Variants in MLXIP observed in about 807,000 individuals in gnomAD.
MLXIP encodes the protein MLX interacting protein, also known as MLX-interacting protein.
A neutral mutation model predicts 87.2 loss-of-function variants in MLXIP; 30 were observed. That is an observed-to-expected ratio of 0.34 (90% CI 0.26 to 0.47). The LOEUF (loss-of-function observed/expected upper bound fraction) is 0.47. Among genes scored for constraint, MLXIP ranks in the 20% least tolerant of loss-of-function variants. The pLI is 1.00. For missense variants in MLXIP, 1,002 were observed against 1,240.1 expected (o/e 0.81, Z 2.88); for synonymous variants, 530 against 514.0 (o/e 1.03, Z -0.42).
rs756836052 is a variant in MLXIP, at chr12:122,133,956, C to T, written c.1701C>T (p.Ser567=). 4.9e-5 allele frequency: 78 copies of T among 1,605,534 alleles called. No individual in the cohort carries two copies. Among genetic ancestry groups the T allele is most frequent in the Non-Finnish European group, 6.2e-5 (73 of 1,176,096 alleles). Residue 567 remains serine (S), a synonymous_variant, in exon 9 of 17, where the codon TCC becomes TCT. Coordinates refer to ENST00000319080, the MANE Select transcript of MLXIP (RefSeq NM_014938.6). The surrounding 1 kb of genome is among the most constrained non-coding windows in gnomAD (Gnocchi z 4.9). ...IVPAPKPEPV[S]LVLKNARIAP... is the part of the protein sequence containing the mutation. The stretch of plus-strand genomic sequence containing the variant: ...CTGCTCCCAAACCAGAGCCCGTGTC[C>T]TTGGTGTTGAAGAATGCCCGTATCG...
intron 1 of MLXIP, among the ~76,000 whole-genome samples, chr12:122,079,968 C>T (rs1952068046): frequency 6.6e-6 from 1 of 152,182 alleles, no homozygotes; most frequent in Non-Finnish European, 1.5e-5. Context: ...GGAGGGTTTT[C>T]TGGCCGGTCC....
chr12:122,141,888 A>G lies in MLXIP; in HGVS notation c.*76A>G. ...CCATGGAGAGTAGGCTGCGCCCCCCAGCCCTTCCTGACGCTCAGCCTCGGG... is the reference window on the plus strand; with the variant it reads ...CCATGGAGAGTAGGCTGCGCCCCCCGGCCCTTCCTGACGCTCAGCCTCGGG... On this transcript the variant is annotated 3_prime_UTR_variant, in exon 17 of 17. Coordinates refer to ENST00000319080, the MANE Select transcript of MLXIP (RefSeq NM_014938.6). 1 of 1,575,852 alleles carries G rather than the reference A, an allele frequency of 6.3e-7. No individual in the cohort carries two copies. Among genetic ancestry groups the G allele is most frequent in the Non-Finnish European group, 8.6e-7 (1 of 1,161,888 alleles).
intron 1 of MLXIP, among the ~76,000 whole-genome samples, chr12:122,122,225 C>A (rs1226397131): frequency 6.6e-6 from 1 of 152,186 alleles, no homozygotes; most frequent in Non-Finnish European, 1.5e-5. Flanking sequence ...GCCCAGTCAC[C>A]TTTGTCTGGA....
intron 1 of MLXIP, among the ~76,000 whole-genome samples, chr12:122,108,842 C>T (rs752891566): frequency 6.6e-6 from 1 of 152,162 alleles, no homozygotes; most frequent in Non-Finnish European, 1.5e-5. Context: ...TACAAATTCT[C>T]ATTCCATTTT....
At chr12:122,120,054 C>T (rs1469852112) in intron 1 of MLXIP, among the ~76,000 whole-genome samples, 4 of 152,204 alleles carry the variant, frequency 2.6e-5, no homozygotes, top group East Asian at 3.8e-4. Flanking sequence ...AAGGTGGATA[C>T]GACCTGTGTC....
At chr12:122,105,382 T>A (rs184281711) in intron 1 of MLXIP, among the ~76,000 whole-genome samples, 28 of 151,958 alleles carry the variant, frequency 1.8e-4, no homozygotes, top group African/African-American at 6.5e-4. Flanking sequence ...AGTTTCGCTC[T>A]TGTTGCCCAG....
At chr12:122,090,217 C>T (rs1291206866) in intron 1 of MLXIP, among the ~76,000 whole-genome samples, 2 of 152,116 alleles carry the variant, frequency 1.3e-5, no homozygotes, top group East Asian at 1.9e-4. Flanking sequence ...CTTACCCAGC[C>T]GGGTGTGGTG....
intron 3 of MLXIP, 40 bp downstream of exon 3, chr12:122,128,008 T>A (rs1565981037): frequency 1.9e-6 from 3 of 1,552,502 alleles, no homozygotes; most frequent in South Asian, 2.2e-5. Flanking sequence ...AGTGGAAACA[T>A]ACCAGCACCT....
chr12:122,141,853 C>G lies in MLXIP; in HGVS notation c.*41C>G. On this transcript the variant is annotated 3_prime_UTR_variant, in exon 17 of 17. Transcript: ENST00000319080. ...GTGGCCGCATGAGATGCCAGGAGAC[C>G]CTTCCCTGCCCATGGAGAGTAGGCT... 1.2e-6 allele frequency: 2 copies of G among 1,607,702 alleles called. No homozygotes were observed. The highest frequency in any genetic ancestry group is 4.5e-5 in the East Asian group (2 of 44,860).
intron 1 of MLXIP, among the ~76,000 whole-genome samples, chr12:122,126,007 G>A (rs540182850): frequency 6.6e-6 from 1 of 152,226 alleles, no homozygotes; most frequent in African/African-American, 2.4e-5. Context: ...TTCTGAGTGG[G>A]ACTGGAGAAG....
At chr12:122,096,730 A>G (rs925392474) in intron 1 of MLXIP, among the ~76,000 whole-genome samples, 9 of 152,180 alleles carry the variant, frequency 5.9e-5, no homozygotes, top group Non-Finnish European at 8.8e-5. Flanking sequence ...CGCAGCTTGC[A>G]TGCCTTGTGG....
chr12:122,096,200 C>G (rs1952349531), intron 1 of MLXIP, among the ~76,000 whole-genome samples: 1 of 152,182 alleles, frequency 6.6e-6, no homozygotes, highest in South Asian at 2.1e-4. Flanking sequence ...GCCTCAGCCT[C>G]CCGAGTAGCT....
intron 1 of MLXIP, among the ~76,000 whole-genome samples, chr12:122,113,393 G>A (rs984347517): frequency 5.9e-5 from 9 of 151,570 alleles, no homozygotes; most frequent in African/African-American, 7.3e-5. Context: ...TCAGCCTCCC[G>A]AGTAGCTGGG....
chr12:122,110,088 T>C (rs1247169056), intron 1 of MLXIP, among the ~76,000 whole-genome samples: 2 of 152,144 alleles, frequency 1.3e-5, no homozygotes, highest in African/African-American at 4.8e-5. Context: ...CCCTTAAAAC[T>C]GAAAATAATT....
chr12:122,129,869 T>C, intron 5 of MLXIP, 72 bp from the exon 6 acceptor site: 1 of 1,544,796 alleles, frequency 6.5e-7, no homozygotes, highest in Admixed American at 1.8e-5. Context: ...TTTCCCCAGG[T>C]GACAGGCGTG....
intron 1 of MLXIP, among the ~76,000 whole-genome samples, chr12:122,106,961 G>A (rs1444174013): frequency 6.6e-6 from 1 of 152,132 alleles, no homozygotes; most frequent in African/African-American, 2.4e-5. Flanking sequence ...AGCATCAGCT[G>A]CACCAGCTGC....
intron 1 of MLXIP, among the ~76,000 whole-genome samples, chr12:122,093,963 GCA>G (rs1952297267): frequency 2.2e-5 from 3 of 135,938 alleles, no homozygotes; most frequent in Non-Finnish European, 3.2e-5. Context: ...GTGTGTGTTG[GCA>G]TGTGTGTGTG....
At chr12:122,088,921 C>T (rs1006787087) in intron 1 of MLXIP, among the ~76,000 whole-genome samples, 3 of 148,542 alleles carry the variant, frequency 2.0e-5, no homozygotes, top group African/African-American at 7.5e-5. Context: ...TGTGTAACCT[C>T]AGCACTATGG....
In MLXIP at chr12:122,137,391, C is replaced by T. The variant is rs1953111844; in HGVS notation, c.2033-78C>T. On this transcript the variant is annotated intron_variant, in intron 11 of 16. Coordinates refer to ENST00000319080, the MANE Select transcript of MLXIP (RefSeq NM_014938.6). The surrounding 1 kb of genome is among the most constrained non-coding windows in gnomAD (Gnocchi z 4.1). ...GGCTAGCAGCGAGCACCTCATAACC[C>T]TGCAGAGACCCCAGGCTGCCTCCTG... The T allele has an allele frequency of 6.5e-7, 1 of 1,540,390 alleles. No individual in the cohort carries two copies. The highest frequency in any genetic ancestry group is 8.7e-7 in the Non-Finnish European group (1 of 1,142,966).
Sources: allele counts gnomAD v4.1 joint callset (sites outside exome capture counted in the v4.1 genomes callset), GRCh38; gene constraint gnomAD v4.1.1; non-coding constraint Gnocchi (gnomAD v3.1); transcripts MANE v1.5; gene names NCBI Gene and HGNC (gene_info 2026-07-23, HGNC 2026-07-21).